Variants in RNGTT observed in about 807,000 individuals in gnomAD.
The protein encoded by RNGTT is RNA guanylyltransferase and 5'-phosphatase, also known as mRNA-capping enzyme.
Under a neutral mutation model 79.3 loss-of-function variants are expected in RNGTT, and 33 were observed. That is an observed-to-expected ratio of 0.42 (90% CI 0.32 to 0.56). The LOEUF (loss-of-function observed/expected upper bound fraction) is 0.56, where lower values mean the gene tolerates loss of function less well. RNGTT is among the 20% of genes least tolerant of loss of function. RNGTT has a pLI of 0.17. For missense variants in RNGTT, 497 were observed against 739.1 expected (o/e 0.67, Z 3.80); for synonymous variants, 222 against 235.9 (o/e 0.94, Z 0.54).
intron 2 of RNGTT, 106 bp downstream of exon 2, chr6:88,940,965 G>T: frequency 3.3e-6 from 2 of 599,288 alleles, no homozygotes; most frequent in Non-Finnish European, 2.9e-6. Context: ...CTTCCCTTGA[G>T]TCTATTAATT....
chr6:88,656,926 T>TA (rs1217787475), intron 14 of RNGTT, among the ~76,000 whole-genome samples: 4 of 151,882 alleles, frequency 2.6e-5, no homozygotes, highest in African/African-American at 4.8e-5. Context: ...CTCATCTCTA[T>TA]AAAAAATTTA....
At chr6:88,933,990 T>C (rs977556418) in intron 2 of RNGTT, among the ~76,000 whole-genome samples, 1 of 152,206 alleles carries the variant, frequency 6.6e-6, no homozygotes, top group Non-Finnish European at 1.5e-5. Context: ...CTCCACATCC[T>C]TGCCAGCATC....
intron 1 of RNGTT, among the ~76,000 whole-genome samples, chr6:88,952,707 G>A (rs1431829324): frequency 6.6e-5 from 10 of 152,212 alleles, no homozygotes; most frequent in Admixed American, 5.2e-4. Context: ...CTCTCACAGA[G>A]TCTACTTACT....
At chr6:88,644,336 G>T (rs540908241) in intron 14 of RNGTT, among the ~76,000 whole-genome samples, 4 of 152,136 alleles carry the variant, frequency 2.6e-5, no homozygotes, top group Non-Finnish European at 5.9e-5. Flanking sequence ...CCAATAACAG[G>T]CTCTGAAATT....
rs139890490 is a variant in RNGTT, at chr6:88,853,677, T to C, written c.984A>G (p.Pro328=). ...AATGCATACGAAGATCTTTACGAAATGGAAATTCCAGATTTGAAACATGAA... is the reference window on the plus strand; with the variant it reads ...AATGCATACGAAGATCTTTACGAAACGGAAATTCCAGATTTGAAACATGAA... The part of the protein sequence containing the change: ...SVFHVSNLEF[P]FRKDLRMHLS... The change falls in exon 9 of 16, where the codon CCA becomes CCG. Residue 328 remains proline (P), a synonymous_variant. Coordinates refer to ENST00000369485, the MANE Select transcript of RNGTT (RefSeq NM_003800.5). 32 of 1,600,294 alleles carry C rather than the reference T, an allele frequency of 2.0e-5. No homozygotes were observed. In the East Asian group the frequency reaches 2.9e-4, roughly 15 times the overall value.
chr6:88,835,336 T>A (rs908314925), intron 11 of RNGTT, among the ~76,000 whole-genome samples: 1 of 152,096 alleles, frequency 6.6e-6, no homozygotes. Flanking sequence ...AGATCCTAAC[T>A]ATACACAACT....
intron 13 of RNGTT, among the ~76,000 whole-genome samples, chr6:88,766,706 A>G (rs1022674239): frequency 2.0e-5 from 3 of 152,112 alleles, no homozygotes; most frequent in Admixed American, 1.3e-4. Flanking sequence ...AGTCAAACTC[A>G]AAAACATACC....
At chr6:88,801,543 C>T in intron 12 of RNGTT, 21 bp downstream of exon 12, 4 of 1,597,796 alleles carry the variant, frequency 2.5e-6, no homozygotes, top group South Asian at 2.2e-5. Flanking sequence ...CGAACACACA[C>T]ACACAGACAA....
At chr6:88,800,813 G>A (rs1779760711) in intron 12 of RNGTT, among the ~76,000 whole-genome samples, 1 of 152,196 alleles carries the variant, frequency 6.6e-6, no homozygotes, top group Non-Finnish European at 1.5e-5. Context: ...GTTCTCTGAG[G>A]AAACTGGGCA....
chr6:88,797,121 C>A (rs148273904), intron 12 of RNGTT, among the ~76,000 whole-genome samples: 1 of 152,088 alleles, frequency 6.6e-6, no homozygotes, highest in Non-Finnish European at 1.5e-5. Context: ...CTGAAACTTA[C>A]GTGTTAAACA....
intron 11 of RNGTT, among the ~76,000 whole-genome samples, chr6:88,829,721 A>AAAAAAAAAAC (rs1554221603): frequency 3.5e-5 from 4 of 115,584 alleles, no homozygotes; most frequent in African/African-American, 9.4e-5. Flanking sequence ...AAAAAAAAAA[A>AAAAAAAAAAC]AAACCAGGGG....
At position 88,891,886 on chromosome 6, in the gene RNGTT, A is replaced by G; in HGVS notation, c.714T>C (p.Val238=). 6.3e-7 allele frequency: 1 copy of G among 1,595,414 alleles called. No individual in the cohort carries two copies. Among genetic ancestry groups the G allele is most frequent in the Non-Finnish European group, 8.5e-7 (1 of 1,171,636 alleles). The part of the protein sequence containing the change: ...LGAIFLEGVT[V]KGVTQVTTQP... ...GTGTTGTTACTTGAGTTACACCTTT[A>G]ACAGTAACACCTTCCAAGAAAATAG... Residue 238 remains valine, a synonymous_variant, in exon 7 of 16, where the codon GTT becomes GTC. Coordinates refer to ENST00000369485, the MANE Select transcript of RNGTT (RefSeq NM_003800.5).
chr6:88,614,453 T>A, intron 14 of RNGTT, 58 bp from the exon 15 acceptor site: 1 of 1,545,968 alleles, frequency 6.5e-7, no homozygotes, highest in Non-Finnish European at 8.9e-7. Context: ...TTTTTGCTTC[T>A]ACTATGTGAC....
At chr6:88,925,595 A>T (rs76279881) in intron 4 of RNGTT, among the ~76,000 whole-genome samples, 1 of 108,698 alleles carries the variant, frequency 9.2e-6, no homozygotes, top group Non-Finnish European at 2.1e-5. Flanking sequence ...CTTACCTCAT[A>T]AAAAAAAAAA....
At chr6:88,757,911 T>C (rs1164074476) in intron 13 of RNGTT, among the ~76,000 whole-genome samples, 2 of 152,224 alleles carry the variant, frequency 1.3e-5, no homozygotes, top group Admixed American at 6.5e-5. Context: ...TTACTCCTAT[T>C]GTTACATGTT....
At chr6:88,776,895 C>A (rs1006922226) in intron 12 of RNGTT, among the ~76,000 whole-genome samples, 1 of 152,182 alleles carries the variant, frequency 6.6e-6, no homozygotes, top group East Asian at 1.9e-4. Context: ...GTTGGCTGAG[C>A]TTTTGATGTA....
At position 88,769,883 on chromosome 6, in the gene RNGTT, A is replaced by G. The variant is rs1269685785; in HGVS notation, c.1339-9T>C. 2 of 1,574,654 alleles carry G rather than the reference A, an allele frequency of 1.3e-6. No individual in the cohort carries two copies. Among genetic ancestry groups the G allele is most frequent in the South Asian group, 2.3e-5 (2 of 88,874 alleles). ...CGACCAGGTTTGTATTTCTAAAGCC[A>G]ATTAAAATGATGACAATCGTTACTA... On this transcript the variant is annotated splice_polypyrimidine_tract_variant and intron_variant, in intron 12 of 15. Transcript: ENST00000369485.
intron 11 of RNGTT, among the ~76,000 whole-genome samples, chr6:88,808,072 A>G (rs1780018577): frequency 6.6e-6 from 1 of 152,190 alleles, no homozygotes; most frequent in Non-Finnish European, 1.5e-5. Flanking sequence ...ATTTTCAGGT[A>G]GAAGGAATAT....
chr6:88,653,004 C>T (rs1162774736), intron 14 of RNGTT, among the ~76,000 whole-genome samples: 7 of 152,030 alleles, frequency 4.6e-5, no homozygotes, highest in African/African-American at 1.2e-4. Flanking sequence ...AATCTAGATC[C>T]GAAACTGTGG....
Sources: gnomAD v4.1 joint callset for allele counts (sites outside exome capture counted in the v4.1 genomes callset) on GRCh38, gnomAD v4.1.1 for gene constraint, MANE v1.5 for transcripts, NCBI Gene and HGNC (gene_info 2026-07-23, HGNC 2026-07-21) for gene names.